The following TMEM232 variants were observed in gnomAD, a reference collection of about 807,000 sequenced individuals.
TMEM232 encodes transmembrane protein 232.
A neutral mutation model predicts 78.8 loss-of-function variants in TMEM232; 80 were observed. The ratio of observed to expected loss-of-function variants is 1.01; its 90% CI spans 0.85 to 1.22. The LOEUF is 1.22. TMEM232 is among the 50% of genes most tolerant of loss of function. The pLI is 0.00. For missense variants in TMEM232, 881 were observed against 742.2 expected (o/e 1.19, Z -2.17); for synonymous variants, 297 against 254.3 (o/e 1.17, Z -1.60).
intron 8 of TMEM232, among the ~76,000 whole-genome samples, chr5:110,606,817 T>G (rs1247573483): frequency 6.6e-6 from 1 of 152,026 alleles, no homozygotes; most frequent in Non-Finnish European, 1.5e-5. Flanking sequence ...TTTTTAATAT[T>G]ATAAAAACTG....
At chr5:110,469,749 G>A (rs773593587) in intron 12 of TMEM232, among the ~76,000 whole-genome samples, 1 of 152,134 alleles carries the variant, frequency 6.6e-6, no homozygotes, top group Admixed American at 6.5e-5. Context: ...TGCCTTCCAG[G>A]GAATCAGTGC....
intron 12 of TMEM232, among the ~76,000 whole-genome samples, chr5:110,437,179 C>T (rs1040660072): frequency 6.6e-6 from 1 of 151,422 alleles, no homozygotes; most frequent in East Asian, 1.9e-4. Context: ...TTGGTTAATT[C>T]CTATGTATTT....
intron 12 of TMEM232, among the ~76,000 whole-genome samples, chr5:110,491,637 G>T (rs1348765153): frequency 1.3e-5 from 2 of 151,918 alleles, no homozygotes; most frequent in East Asian, 1.9e-4. Flanking sequence ...GATATATTTT[G>T]TGGTACATGA....
At chr5:110,416,820 A>T (rs1756234155), downstream of TMEM232, among the ~76,000 whole-genome samples, 1 of 151,946 alleles carries the variant, frequency 6.6e-6, no homozygotes, top group Admixed American at 6.6e-5. Flanking sequence ...CCAAACACCC[A>T]CTCATCAATG....
chr5:110,618,334 T>G (rs563369544), intron 8 of TMEM232, 95 bp downstream of exon 8: 623 of 1,453,306 alleles, frequency 4.3e-4, no homozygotes, highest in Non-Finnish European at 5.6e-4. Context: ...CATAGTCAAC[T>G]GAGGTGTGAT....
chr5:110,568,086 G>C (rs1364717123), intron 11 of TMEM232, among the ~76,000 whole-genome samples: 1 of 151,852 alleles, frequency 6.6e-6, no homozygotes, highest in Non-Finnish European at 1.5e-5. Flanking sequence ...AAGAGAAAAA[G>C]AATCATGGCT....
At chr5:110,556,632 C>A (rs1775127343) in intron 11 of TMEM232, among the ~76,000 whole-genome samples, 1 of 152,114 alleles carries the variant, frequency 6.6e-6, no homozygotes, top group South Asian at 2.1e-4. Context: ...GGTGATCCAC[C>A]CAACTCAGCC....
intron 7 of TMEM232, among the ~76,000 whole-genome samples, chr5:110,623,073 C>A (rs1168438261): frequency 6.6e-6 from 1 of 151,984 alleles, no homozygotes; most frequent in Non-Finnish European, 1.5e-5. Flanking sequence ...AAAACTCAAT[C>A]CAGCGTTCTG....
intron 12 of TMEM232, among the ~76,000 whole-genome samples, chr5:110,448,011 G>T (rs141982168): frequency 2.8e-4 from 43 of 152,104 alleles, no homozygotes; most frequent in Non-Finnish European, 4.0e-4. Flanking sequence ...GCTGAAAAAT[G>T]ACTTGAATAT....
intron 1 of TMEM232, among the ~76,000 whole-genome samples, chr5:110,686,874 C>A (rs1014920840): frequency 2.6e-5 from 4 of 152,138 alleles, no homozygotes; most frequent in African/African-American, 4.8e-5. Flanking sequence ...CTGTCTAAAT[C>A]TTCCTTTCAC....
At chr5:110,480,520 G>GA (rs1038017648) in intron 12 of TMEM232, among the ~76,000 whole-genome samples, 1 of 152,014 alleles carries the variant, frequency 6.6e-6, no homozygotes, top group Non-Finnish European at 1.5e-5. Context: ...TTTTTTAAGA[G>GA]ATTGCTTGAG....
At chr5:110,666,948 C>A (rs745416941) in intron 2 of TMEM232, 17 of 217,600 alleles carry the variant, frequency 7.8e-5, no homozygotes, top group Non-Finnish European at 1.2e-4. Context: ...TAAAATGCTT[C>A]ATGATACAGG....
intron 12 of TMEM232, among the ~76,000 whole-genome samples, chr5:110,508,648 T>C (rs1320957673): frequency 1.3e-5 from 2 of 150,454 alleles, no homozygotes; most frequent in Admixed American, 1.3e-4. Flanking sequence ...CTGATTTCAT[T>C]GTAGCCCTTG....
intron 2 of TMEM232, among the ~76,000 whole-genome samples, chr5:110,400,684 T>C (rs761856047): frequency 1.3e-5 from 2 of 152,110 alleles, no homozygotes; most frequent in African/African-American, 2.4e-5. Flanking sequence ...AAGAAAGTGA[T>C]CATGTAGAAT....
At chr5:110,455,840 G>C (rs1351177754) in intron 12 of TMEM232, among the ~76,000 whole-genome samples, 1 of 152,030 alleles carries the variant, frequency 6.6e-6, no homozygotes, top group Non-Finnish European at 1.5e-5. Context: ...CACTAAAAAA[G>C]AAAAACCGTT....
At chr5:110,500,877 T>C (rs1299492877) in intron 12 of TMEM232, among the ~76,000 whole-genome samples, 1 of 152,224 alleles carries the variant, frequency 6.6e-6, no homozygotes, top group Non-Finnish European at 1.5e-5. Context: ...TGTGAAAATG[T>C]AAAGCTTTAG....
At chr5:110,660,548 G>A (rs1433849130) in intron 2 of TMEM232, among the ~76,000 whole-genome samples, 1 of 151,976 alleles carries the variant, frequency 6.6e-6, no homozygotes, top group African/African-American at 2.4e-5. Flanking sequence ...AAGAAACACT[G>A]ATTACTTAAA....
chr5:110,608,523 A>G (rs2149840610), intron 8 of TMEM232, among the ~76,000 whole-genome samples: 1 of 152,158 alleles, frequency 6.6e-6, no homozygotes, highest in East Asian at 1.9e-4. Flanking sequence ...TCATAATCAG[A>G]AGGTTTTGAT....
chr5:110,688,676 T>C (rs1043414657), intron 1 of TMEM232, among the ~76,000 whole-genome samples: 2 of 152,192 alleles, frequency 1.3e-5, no homozygotes, highest in Non-Finnish European at 2.9e-5. Context: ...CAGTGCTTTG[T>C]TGATGCATGA....
Sources: allele counts gnomAD v4.1 joint callset (sites outside exome capture counted in the v4.1 genomes callset), GRCh38; gene constraint gnomAD v4.1.1; transcripts MANE v1.5; gene names NCBI Gene and HGNC (gene_info 2026-07-23, HGNC 2026-07-21).